Variants in CPVL observed in about 807,000 individuals in gnomAD.
CPVL encodes the protein probable serine carboxypeptidase CPVL.
A neutral mutation model predicts 63.7 loss-of-function variants in CPVL; 51 were observed. The ratio of observed to expected loss-of-function variants is 0.80; its 90% CI spans 0.64 to 1.01. The LOEUF (loss-of-function observed/expected upper bound fraction) is 1.01. Among genes scored for constraint, CPVL ranks in the 50% least tolerant of loss-of-function variants. CPVL has a pLI of 0.00. For missense variants in CPVL, 530 were observed against 573.1 expected (o/e 0.92, Z 0.77); for synonymous variants, 195 against 206.0 (o/e 0.95, Z 0.46).
chr7:29,071,912 C>CA lies in CPVL; in HGVS notation c.733-9dup. On this transcript the variant is annotated splice_polypyrimidine_tract_variant and intron_variant, in intron 8 of 12. Coordinates refer to ENST00000265394, the MANE Select transcript of CPVL (RefSeq NM_031311.5). ...TGCATAGCCCCCTATAATCTGAGGACAAAAAAGACACACATCAATGTGACA... is the reference window on the plus strand; with the variant it reads ...TGCATAGCCCCCTATAATCTGAGGACAAAAAAAGACACACATCAATGTGACA... 4 of 1,611,398 alleles carry CA rather than the reference C, an allele frequency of 2.5e-6. No homozygotes were observed. The highest frequency in any genetic ancestry group is 3.4e-6 in the Non-Finnish European group (4 of 1,179,224).
chr7:29,066,956 G>C (rs971873967), intron 9 of CPVL, among the ~76,000 whole-genome samples: 1 of 152,180 alleles, frequency 6.6e-6, no homozygotes, highest in African/African-American at 2.4e-5. Flanking sequence ...TGGAATGACT[G>C]ACCCTGGGTT....
At chr7:29,132,657 T>C (rs1490600719) in intron 1 of CPVL, among the ~76,000 whole-genome samples, 1 of 152,118 alleles carries the variant, frequency 6.6e-6, no homozygotes, top group African/African-American at 2.4e-5. Flanking sequence ...CAGCCCAGCC[T>C]CCCTCGTTAA....
rs116449154 is a variant in CPVL, at chr7:29,123,951, A to G, written c.-10-2880T>C. Among the ~76,000 whole-genome samples, 6 of 152,186 alleles carry G rather than the reference A, an allele frequency of 3.9e-5. No homozygotes were observed. The East Asian group carries it at 1.2e-3, about 29-fold the overall frequency. On this transcript the variant is annotated intron_variant, in intron 1 of 12. Coordinates refer to ENST00000265394, the MANE Select transcript of CPVL (RefSeq NM_031311.5). ...ATACATAAAAGTAAGAATTGGGTCA[A>G]TTTAGTAGATCTCATTAACATTTAA...
intron 3 of CPVL, among the ~76,000 whole-genome samples, chr7:29,104,232 C>T (rs990444123): frequency 6.6e-6 from 1 of 152,176 alleles, no homozygotes; most frequent in African/African-American, 2.4e-5. Context: ...ATGGCACCAT[C>T]ATACAGAAAA....
chr7:29,071,639 C>T (rs1783740411), intron 9 of CPVL, 134 bp downstream of exon 9: 4 of 927,068 alleles, frequency 4.3e-6, no homozygotes, highest in Non-Finnish European at 4.8e-6. Context: ...ACTCGCCTCC[C>T]GATCTCCAAT....
At chr7:29,080,533 A>G (rs1784601716) in intron 7 of CPVL, among the ~76,000 whole-genome samples, 1 of 143,616 alleles carries the variant, frequency 7.0e-6, no homozygotes. Context: ...ACTCCAGCTT[A>G]GGCATCAGAG....
chr7:29,101,665 A>C (rs1161659511), intron 3 of CPVL, among the ~76,000 whole-genome samples: 1 of 152,120 alleles, frequency 6.6e-6, no homozygotes, highest in Non-Finnish European at 1.5e-5. Context: ...TTCTTAACTA[A>C]AGGTTTTTTT....
chr7:29,023,060 C>T (rs1787167192), intron 12 of CPVL, among the ~76,000 whole-genome samples: 1 of 152,218 alleles, frequency 6.6e-6, no homozygotes, highest in South Asian at 2.1e-4. Context: ...GTGCTAGTGC[C>T]CACTACTGCT....
chr7:29,028,369 A>T (rs1266027365), intron 12 of CPVL, among the ~76,000 whole-genome samples: 17 of 152,214 alleles, frequency 1.1e-4, no homozygotes, highest in Admixed American at 1.1e-3. Flanking sequence ...CTTAAACATA[A>T]GACTCAAAAT....
Position 29,044,808 on chromosome 7 carries a change from A to G in CPVL, c.1138-14049T>C, listed in dbSNP as rs758219451. ...TCATAGCAACTGAATTTAAATATAC[A>G]TTTCTTAGCTTACTGGGTTTTAGAT... is the stretch of plus-strand genomic sequence containing the variant. On this transcript the variant is annotated intron_variant, in intron 11 of 12. Coordinates refer to ENST00000265394, the MANE Select transcript of CPVL (RefSeq NM_031311.5). Among the ~76,000 whole-genome samples, 4 of 152,228 alleles carry G rather than the reference A, an allele frequency of 2.6e-5. No homozygotes were observed. In the East Asian group the frequency reaches 7.7e-4, roughly 29 times the overall value.
At chr7:29,111,498 T>C (rs1382052001) in intron 3 of CPVL, among the ~76,000 whole-genome samples, 1 of 152,180 alleles carries the variant, frequency 6.6e-6, no homozygotes, top group Non-Finnish European at 1.5e-5. Context: ...CTCACTTGCC[T>C]CACTCAACAC....
At chr7:29,073,266 G>A (rs56286721) in intron 7 of CPVL, among the ~76,000 whole-genome samples, 16,805 of 151,988 alleles carry the variant, frequency 0.11, 3,090 homozygotes, top group African/African-American at 0.38. Context: ...TCTTTGTCTC[G>A]TATTCCACAG....
chr7:29,097,405 A>C (rs550601090), intron 3 of CPVL, among the ~76,000 whole-genome samples: 22 of 152,354 alleles, frequency 1.4e-4, no homozygotes, highest in African/African-American at 5.3e-4. Context: ...AGTAAGAAAT[A>C]AAGACAAGGC....
At chr7:29,184,205 GAT>G (rs909760817) in intron 4 of CPVL, among the ~76,000 whole-genome samples, 1 of 141,436 alleles carries the variant, frequency 7.1e-6, no homozygotes, top group Non-Finnish European at 1.6e-5. Context: ...AGATAAAAGA[GAT>G]ATTTATAGAA....
intron 11 of CPVL, among the ~76,000 whole-genome samples, chr7:29,035,317 C>T (rs979194282): frequency 1.6e-4 from 24 of 152,182 alleles, no homozygotes; most frequent in African/African-American, 5.5e-4. Flanking sequence ...TTCCACCCTT[C>T]TACCTAAAAT....
In CPVL at chr7:29,121,063, T is replaced by A; in HGVS notation, c.-2A>T. On this transcript the variant is annotated 5_prime_UTR_variant, in exon 2 of 13. Transcript: ENST00000265394. ...CACCTTCCACATGGCACCAACCATC[T>A]CTCAGGGTCTAGGATAAAAACAGCA... The A allele has an allele frequency of 6.3e-7, 1 of 1,594,418 alleles. No individual in the cohort carries two copies. The highest frequency in any genetic ancestry group is 8.5e-7 in the Non-Finnish European group (1 of 1,173,464).
chr7:29,037,171 T>C (rs1788610687), intron 11 of CPVL, among the ~76,000 whole-genome samples: 1 of 152,200 alleles, frequency 6.6e-6, no homozygotes, highest in Non-Finnish European at 1.5e-5. Context: ...GGTTTGAATC[T>C]GACCCCTGCC....
chr7:29,008,592 G>T (rs1191362351), intron 12 of CPVL, among the ~76,000 whole-genome samples: 2 of 152,118 alleles, frequency 1.3e-5, no homozygotes, highest in African/African-American at 4.8e-5. Flanking sequence ...TTCTTTTAAT[G>T]TCCACAAAAT....
At chr7:29,048,184 T>C (rs1316075633) in intron 11 of CPVL, among the ~76,000 whole-genome samples, 1 of 152,050 alleles carries the variant, frequency 6.6e-6, no homozygotes, top group Non-Finnish European at 1.5e-5. Flanking sequence ...AGGCAACAAA[T>C]AGCACGATGA....
Sources: gnomAD v4.1 joint callset for allele counts (sites outside exome capture counted in the v4.1 genomes callset) on GRCh38, gnomAD v4.1.1 for gene constraint, MANE v1.5 for transcripts, NCBI Gene and HGNC (gene_info 2026-07-23, HGNC 2026-07-21) for gene names.